The following ARHGEF6 variants were observed in gnomAD, a reference collection of about 807,000 sequenced individuals.
The protein encoded by ARHGEF6 is rho guanine nucleotide exchange factor 6.
A neutral mutation model predicts 70.3 loss-of-function variants in ARHGEF6; 9 were observed. The ratio of observed to expected loss-of-function variants is 0.13; its 90% CI spans 0.08 to 0.22. The LOEUF (loss-of-function observed/expected upper bound fraction) is 0.22. Among genes scored for constraint, ARHGEF6 ranks in the 10% least tolerant of loss-of-function variants. The probability of loss-of-function intolerance (pLI) is 1.00; values close to 1 mark genes in which losing one functional copy is unlikely to be tolerated. For synonymous variants in ARHGEF6, 201 were observed against 207.8 expected, an observed-to-expected ratio of 0.97 and a Z score of 0.28; for missense variants, 470 against 563.0, an observed-to-expected ratio of 0.83 and a Z score of 1.67.
intron 5 of ARHGEF6, among the ~76,000 whole-genome samples, chrX:136,738,835 C>A (rs781415649): frequency 1.8e-5 from 2 of 112,221 alleles, no homozygotes; most frequent in Non-Finnish European, 3.8e-5. Flanking sequence ...TAATCATCAG[C>A]AAGTTTTTAA....
intron 2 of ARHGEF6, among the ~76,000 whole-genome samples, chrX:136,758,095 G>GGCT (rs2077228751): frequency 1.4e-5 from 1 of 73,248 alleles, no homozygotes; most frequent in South Asian, 9.2e-4. Context: ...CTGTCGCCCA[G>GGCT]GCTGGAGTGC....
chrX:136,703,512 A>C (rs1463744834), intron 9 of ARHGEF6, among the ~76,000 whole-genome samples: 1 of 111,621 alleles, frequency 9.0e-6, no homozygotes, highest in East Asian at 2.8e-4. Flanking sequence ...TTCTTACAAT[A>C]CTCCAAACTT....
intron 9 of ARHGEF6, among the ~76,000 whole-genome samples, chrX:136,692,258 A>G: frequency 9.0e-6 from 1 of 111,673 alleles, no homozygotes; most frequent in South Asian, 3.8e-4. Flanking sequence ...CCTTTTATAA[A>G]ACTTTTACAA....
chrX:136,736,618 G>GATGTGTGTATGTGTGTGTGT (rs58741198), intron 5 of ARHGEF6, among the ~76,000 whole-genome samples: 352 of 103,729 alleles, frequency 3.4e-3, no homozygotes, highest in African/African-American at 0.012. Flanking sequence ...GTTAAAAAGA[G>GATGTGTGTATGTGTGTGTGT]GTGTGTGTGT....
At chrX:136,707,863 T>TA (rs1055817379) in intron 8 of ARHGEF6, among the ~76,000 whole-genome samples, 5 of 111,892 alleles carry the variant, frequency 4.5e-5, no homozygotes, top group Admixed American at 9.5e-5. Context: ...CTTGAAAAAT[T>TA]AGTCTTTCTA....
chrX:136,754,141 C>G (rs1290290509), intron 2 of ARHGEF6, among the ~76,000 whole-genome samples: 2 of 111,984 alleles, frequency 1.8e-5, no homozygotes, highest in Non-Finnish European at 3.8e-5. Context: ...CCCATTCTTC[C>G]TTGTTAGCAC....
At chrX:136,777,000 G>A (rs1016360565) in intron 2 of ARHGEF6, among the ~76,000 whole-genome samples, 21 of 112,097 alleles carry the variant, frequency 1.9e-4, no homozygotes, top group African/African-American at 6.1e-4. Flanking sequence ...CCAGGCGGGC[G>A]GATCACCTGA....
At chrX:136,776,706 T>G (rs772398362) in intron 2 of ARHGEF6, among the ~76,000 whole-genome samples, 1 of 110,641 alleles carries the variant, frequency 9.0e-6, no homozygotes, top group African/African-American at 3.3e-5. Context: ...CAAAGATAAA[T>G]AGATGGGACC....
chrX:136,703,545 G>A (rs753147119), intron 9 of ARHGEF6, among the ~76,000 whole-genome samples: 5 of 111,844 alleles, frequency 4.5e-5, no homozygotes, highest in Admixed American at 1.9e-4. Flanking sequence ...TTCCTGAGAC[G>A]GAGTTTCACT....
Position 136,708,709 on chromosome X carries a change from G to T in ARHGEF6, c.889C>A (p.Gln297Lys), listed in dbSNP as rs1198696436. 1 of 1,206,668 alleles carries T rather than the reference G, an allele frequency of 8.3e-7. No homozygotes were observed. Among genetic ancestry groups the T allele is most frequent in the Middle Eastern group, 2.3e-4 (1 of 4,333 alleles). Residue 297 changes from glutamine to lysine, a missense_variant, in exon 8 of 22, where the codon CAG (glutamine) becomes AAG (lysine). Around this residue, in one of 3 missense-constraint regions of ARHGEF6, gnomAD observed 379 missense variants for 449.3 expected, o/e 0.84. Transcript: ENST00000250617. ...TCTTCCAAGGCTTGGCAGAGTGTCT[G>T]TTGAAATGTGCATACTTCCTCGAAG... ...GNFEEVCTFQ[Q>K]TLCQALEECS... is the part of the protein sequence containing the mutation.
At chrX:136,749,814 G>A (rs1293149637) in intron 2 of ARHGEF6, among the ~76,000 whole-genome samples, 1 of 111,608 alleles carries the variant, frequency 9.0e-6, no homozygotes, top group East Asian at 2.8e-4. Context: ...AGAAGCCTCT[G>A]GGAACTGCTA....
Position 136,777,273 on chromosome X carries a change from G to A in ARHGEF6, c.249+2141C>T, listed in dbSNP as rs182512287. On this transcript the variant is annotated intron_variant, in intron 2 of 21. Transcript: ENST00000250617. ...AAAAAACAAATAATCCCATCAAAAA[G>A]TGGGCTAAGGACATGAATAGACAAT... 3.9e-4 allele frequency among the ~76,000 whole-genome samples: 43 copies of A among 111,233 alleles called. 2 individuals are homozygous for A. In the East Asian group the frequency reaches 7.3e-3, roughly 19 times the overall value.
intron 2 of ARHGEF6, among the ~76,000 whole-genome samples, chrX:136,778,909 C>G (rs2077426628): frequency 1.8e-5 from 2 of 112,304 alleles, no homozygotes; most frequent in Non-Finnish European, 3.8e-5. Context: ...TTCAGTAACA[C>G]TTCCTATACA....
intron 3 of ARHGEF6, 105 bp downstream of exon 3, chrX:136,747,403 T>C (rs2077104627): frequency 2.7e-6 from 2 of 731,955 alleles, no homozygotes; most frequent in Non-Finnish European, 4.3e-6. Context: ...AGGGGAAAAT[T>C]TGCATCACGA....
intron 9 of ARHGEF6, among the ~76,000 whole-genome samples, chrX:136,705,025 G>T (rs1001854283): frequency 9.0e-6 from 1 of 111,722 alleles, no homozygotes; most frequent in African/African-American, 3.3e-5. Flanking sequence ...TGTTGCTGTT[G>T]TTGTTTTGTT....
chrX:136,687,436 G>A (rs1006705445), intron 11 of ARHGEF6, among the ~76,000 whole-genome samples: 3 of 112,310 alleles, frequency 2.7e-5, no homozygotes, highest in Non-Finnish European at 5.6e-5. Context: ...ACAAGATCAC[G>A]TGTACCTTTG....
chrX:136,735,236 C>G (rs934606816), intron 5 of ARHGEF6, among the ~76,000 whole-genome samples: 8 of 111,383 alleles, frequency 7.2e-5, no homozygotes, highest in Non-Finnish European at 1.3e-4. Context: ...AAAAATGTAG[C>G]CCTTGCAAAT....
chrX:136,691,829 G>A (rs1222085940), intron 9 of ARHGEF6, among the ~76,000 whole-genome samples: 3 of 111,371 alleles, frequency 2.7e-5, no homozygotes, highest in Non-Finnish European at 5.7e-5. Context: ...GAGGCTGAGT[G>A]CCTACAAGAT....
intron 2 of ARHGEF6, among the ~76,000 whole-genome samples, chrX:136,771,260 G>A (rs981504347): frequency 8.9e-6 from 1 of 111,795 alleles, no homozygotes; most frequent in Non-Finnish European, 1.9e-5. Flanking sequence ...TTATTAAGAT[G>A]GCAACACTCT....
Sources: allele counts gnomAD v4.1 joint callset (sites outside exome capture counted in the v4.1 genomes callset), GRCh38; gene constraint gnomAD v4.1.1; regional missense constraint gnomAD v4.1.1; transcripts MANE v1.5; gene names NCBI Gene and HGNC (gene_info 2026-07-23, HGNC 2026-07-21).